The following CSRNP3 variants were observed in gnomAD, a reference collection of about 807,000 sequenced individuals.
CSRNP3 encodes the protein cysteine and serine rich nuclear protein 3, also known as cysteine/serine-rich nuclear protein 3.
In CSRNP3, 12 loss-of-function variants were observed where a neutral mutation model predicts 48.0. That is an observed-to-expected ratio of 0.25 (90% CI 0.16 to 0.41). The LOEUF is 0.41. Ranked by LOEUF, CSRNP3 falls within the 10% of genes least tolerant of loss-of-function variation. CSRNP3 has a pLI of 1.00. For missense variants in CSRNP3, 580 were observed against 724.4 expected (o/e 0.80, Z 2.29); for synonymous variants, 263 against 269.7 (o/e 0.98, Z 0.24).
rs553060329 is a variant in CSRNP3 at position 165,638,180 on chromosome 2, G to T, written c.149-19581G>T. ...ACATTTTGACATAAATCATTTTCTA[G>T]GCTGGGAGTGGTGGCTCACGCCTAT... On this transcript the variant is annotated intron_variant, in intron 4 of 6. Transcript: ENST00000651982. Among the ~76,000 whole-genome samples, 3 of 152,114 alleles carry T rather than the reference G, an allele frequency of 2.0e-5. No individual in the cohort carries two copies. The South Asian group carries it at 6.2e-4, about 32-fold the overall frequency.
chr2:165,584,176 A>C (rs1685591438), intron 3 of CSRNP3, among the ~76,000 whole-genome samples: 1 of 152,146 alleles, frequency 6.6e-6, no homozygotes, highest in South Asian at 2.1e-4. Flanking sequence ...AGATGTCAGG[A>C]TATTAGGACA....
At position 165,627,177 on chromosome 2, in the gene CSRNP3, G is replaced by A. The variant is rs181818403; in HGVS notation, c.149-30584G>A. Reference sequence around the variant, plus strand: ...ACCTTGTGGGGAGCTGCACAACTAAGCTTGTTGTCTCCGCTCAATATTCTT... The same window carrying A: ...ACCTTGTGGGGAGCTGCACAACTAAACTTGTTGTCTCCGCTCAATATTCTT... On this transcript the variant is annotated intron_variant, in intron 4 of 6. Coordinates refer to ENST00000651982, the MANE Select transcript of CSRNP3 (RefSeq NM_001172173.2). 3.2e-3 allele frequency among the ~76,000 whole-genome samples: 491 copies of A among 152,240 alleles called. 2 individuals carry two copies. The Middle Eastern group carries it at 0.054, about 17-fold the overall frequency.
intron 1 of CSRNP3, among the ~76,000 whole-genome samples, chr2:165,494,059 CCA>C (rs1461568856): frequency 6.6e-6 from 1 of 152,040 alleles, no homozygotes; most frequent in Non-Finnish European, 1.5e-5. Flanking sequence ...CTTTCACTGA[CCA>C]TGTTAATACA....
At chr2:165,603,383 T>G (rs1232960734) in intron 4 of CSRNP3, among the ~76,000 whole-genome samples, 1 of 152,156 alleles carries the variant, frequency 6.6e-6, no homozygotes, top group Non-Finnish European at 1.5e-5. Flanking sequence ...TTCATGTCTT[T>G]TACCACCACT....
chr2:165,566,134 C>G (rs2105270663), intron 3 of CSRNP3, among the ~76,000 whole-genome samples: 1 of 151,988 alleles, frequency 6.6e-6, no homozygotes, highest in African/African-American at 2.4e-5. Context: ...CAGTCAAATA[C>G]CTTGTATGAC....
chr2:165,525,987 T>A (rs960797282), intron 3 of CSRNP3, among the ~76,000 whole-genome samples: 2 of 152,248 alleles, frequency 1.3e-5, no homozygotes, highest in Admixed American at 1.3e-4. Context: ...ATCACTTTTT[T>A]ATAAAAGACT....
chr2:165,626,599 A>G (rs74768999), intron 4 of CSRNP3, among the ~76,000 whole-genome samples: 2,497 of 152,314 alleles, frequency 0.016, 45 homozygotes, highest in African/African-American at 0.043. Context: ...CTTCATTGCT[A>G]TAACATGCAG....
chr2:165,538,599 A>G (rs1684912768), intron 3 of CSRNP3, among the ~76,000 whole-genome samples: 1 of 151,898 alleles, frequency 6.6e-6, no homozygotes, highest in Admixed American at 6.6e-5. Flanking sequence ...TTTTGAAATG[A>G]ATTATTGACA....
At chr2:165,470,115 C>T (rs1219857949) in intron 1 of CSRNP3, among the ~76,000 whole-genome samples, 1 of 151,972 alleles carries the variant, frequency 6.6e-6, no homozygotes, top group African/African-American at 2.4e-5. Flanking sequence ...CGGTAAATTC[C>T]ACAGGTCCTG....
chr2:165,628,682 C>T (rs1686481407), intron 4 of CSRNP3, among the ~76,000 whole-genome samples: 2 of 152,126 alleles, frequency 1.3e-5, no homozygotes, highest in Admixed American at 1.3e-4. Flanking sequence ...CGAGATGGCG[C>T]CATCACACTC....
chr2:165,682,058 A>G lies in CSRNP3; in HGVS notation c.*2305A>G, dbSNP rs1013822369. On this transcript the variant is annotated 3_prime_UTR_variant, in exon 7 of 7. Transcript: ENST00000651982. ...GAAGTACTCTGAGGTTATTCTTGGA[A>G]CACAGAGTGTGGGAGAGTGGGGAAG... is the stretch of plus-strand genomic sequence containing the variant. 4 of 151,888 alleles carry G rather than the reference A, an allele frequency of 2.6e-5. No individual in the cohort carries two copies. The highest frequency in any genetic ancestry group is 4.8e-5 in the African/African-American group (2 of 41,358). The allele number at this position is 151,888 out of a possible 1,614,324, so 9.4% of individuals were successfully genotyped here.
At chr2:165,661,818 C>A (rs1367908900) in intron 5 of CSRNP3, among the ~76,000 whole-genome samples, 1 of 152,122 alleles carries the variant, frequency 6.6e-6, no homozygotes, top group Non-Finnish European at 1.5e-5. Context: ...CAGCATCTGA[C>A]AAGAGAGACA....
At chr2:165,551,352 T>C (rs2105260144) in intron 3 of CSRNP3, among the ~76,000 whole-genome samples, 1 of 152,360 alleles carries the variant, frequency 6.6e-6, no homozygotes, top group South Asian at 2.1e-4. Context: ...TGATGTCTTA[T>C]TTATTTTTCA....
At chr2:165,645,319 G>A (rs1686792901) in intron 4 of CSRNP3, among the ~76,000 whole-genome samples, 1 of 151,972 alleles carries the variant, frequency 6.6e-6, no homozygotes, top group African/African-American at 2.4e-5. Context: ...GGGCGACAGA[G>A]TGAGACTCTG....
chr2:165,518,838 A>G (rs1178333434), intron 3 of CSRNP3, among the ~76,000 whole-genome samples: 1 of 152,026 alleles, frequency 6.6e-6, no homozygotes, highest in East Asian at 1.9e-4. Context: ...ATGCAAAGCA[A>G]TGGGCTAAAC....
chr2:165,557,055 T>G (rs981715167), intron 3 of CSRNP3, among the ~76,000 whole-genome samples: 3 of 152,156 alleles, frequency 2.0e-5, no homozygotes. Context: ...GTGGCAATCT[T>G]GTATAGCAAG....
chr2:165,647,348 T>G (rs555090788), intron 4 of CSRNP3, among the ~76,000 whole-genome samples: 1 of 152,324 alleles, frequency 6.6e-6, no homozygotes, highest in East Asian at 1.9e-4. Flanking sequence ...ATATTTTCTC[T>G]AATTCATTAG....
In CSRNP3 at chr2:165,671,271, T is replaced by G. The variant is rs1474268288; in HGVS notation, c.409-5041T>G. Among the ~76,000 whole-genome samples, 3 of 152,182 alleles carry G rather than the reference T, an allele frequency of 2.0e-5. No homozygotes were observed. In the East Asian group the frequency reaches 5.8e-4, roughly 29 times the overall value. On this transcript the variant is annotated intron_variant, in intron 5 of 6. Coordinates refer to ENST00000651982, the MANE Select transcript of CSRNP3 (RefSeq NM_001172173.2). ...CTATTTGAGATAGAAAAAAAGATTT[T>G]AAAGGTAGCATCATGTCAAGAGGAA...
intron 2 of CSRNP3, among the ~76,000 whole-genome samples, chr2:165,516,584 ATC>A (rs1346144856): frequency 1.3e-5 from 2 of 152,180 alleles, no homozygotes; most frequent in African/African-American, 4.8e-5. Flanking sequence ...ATACAATGTT[ATC>A]TGTCAATTTT....
Sources: gnomAD v4.1 joint callset for allele counts (sites outside exome capture counted in the v4.1 genomes callset) on GRCh38, gnomAD v4.1.1 for gene constraint, MANE v1.5 for transcripts, NCBI Gene and HGNC (gene_info 2026-07-23, HGNC 2026-07-21) for gene names.